LAMA2: variants seen among roughly 807,000 people sequenced by gnomAD.
The protein encoded by LAMA2 is laminin subunit alpha 2.
Under a neutral mutation model 364.8 loss-of-function variants are expected in LAMA2, and 269 were observed. The ratio of observed to expected loss-of-function variants is 0.74; its 90% CI spans 0.67 to 0.82. The LOEUF (loss-of-function observed/expected upper bound fraction) is 0.82. LAMA2 is among the 40% of genes least tolerant of loss of function. The pLI is 0.00. For synonymous variants in LAMA2, 1,379 were observed against 1,370.6 expected (o/e 1.01, Z -0.14); for missense variants, 3,807 against 3,873.2 (o/e 0.98, Z 0.45).
intron 12 of LAMA2, among the ~76,000 whole-genome samples, chr6:129,193,800 A>T (rs2115038562): frequency 6.6e-6 from 1 of 152,324 alleles, no homozygotes; most frequent in South Asian, 2.1e-4. Context: ...GTTTATAGTC[A>T]GTGGTTTTCT....
At chr6:129,466,065 T>C (rs1783525905) in intron 51 of LAMA2, among the ~76,000 whole-genome samples, 1 of 151,956 alleles carries the variant, frequency 6.6e-6, no homozygotes, top group South Asian at 2.1e-4. Flanking sequence ...CAGTGTGACA[T>C]TTCATGAAAA....
intron 47 of LAMA2, among the ~76,000 whole-genome samples, chr6:129,455,994 T>C (rs1782942421): frequency 6.6e-6 from 1 of 152,216 alleles, no homozygotes; most frequent in South Asian, 2.1e-4. Flanking sequence ...TAAATTATTA[T>C]GTAAGCCATA....
rs145465528 is a variant in LAMA2 at position 129,143,976 on chromosome 6, C to T, written c.715C>T (p.Arg239Cys). ...SPELLEFTSA[R>C]YIRLRFQRIR... ...AGAACTGCTAGAATTTACCTCCGCT[C>T]GCTATATTCGCCTGAGATTTCAGAG... Residue 239 changes from arginine to cysteine, a missense_variant, in exon 5 of 65, where the codon CGC becomes TGC. Arg to Cys is a radical substitution (Grantham distance 180). This residue lies in a region of LAMA2 where 394 missense variants were observed against 403.5 expected (regional missense o/e 0.98). Coordinates refer to ENST00000421865, the MANE Select transcript of LAMA2 (RefSeq NM_000426.4). 1.5e-4 allele frequency: 237 copies of T among 1,612,042 alleles called. No individual in the cohort carries two copies. Among genetic ancestry groups the T allele is most frequent in the Non-Finnish European group, 1.8e-4 (218 of 1,178,664 alleles).
In LAMA2 at chr6:128,929,254, G is replaced by T. The variant is rs74423815; in HGVS notation, c.112+45897G>T. The T allele has an allele frequency of 8.1e-5, 116 of 1,425,272 alleles. No homozygotes were observed. In the South Asian group the frequency reaches 1.1e-3, roughly 14 times the overall value. 88.3% of individuals were successfully genotyped at this position (1,425,272 alleles called of 1,614,324 possible). A position where few individuals can be genotyped will look rare whatever the true frequency, so the allele number is the denominator to read the frequency against. ...TCTGATTGATGTACTGTAAGAGACC[G>T]TCAATGGCTAAGTTCCCGTCATTGA... On this transcript the variant is annotated intron_variant, in intron 1 of 64. Coordinates refer to ENST00000421865, the MANE Select transcript of LAMA2 (RefSeq NM_000426.4).
intron 4 of LAMA2, among the ~76,000 whole-genome samples, chr6:129,125,699 G>A (rs1183376526): frequency 6.6e-6 from 1 of 152,168 alleles, no homozygotes; most frequent in Non-Finnish European, 1.5e-5. Flanking sequence ...AGGGCAAGGA[G>A]TCCAGGTCCA....
chr6:129,059,320 G>A (rs1788719998), intron 2 of LAMA2, among the ~76,000 whole-genome samples: 1 of 152,032 alleles, frequency 6.6e-6, no homozygotes, highest in Admixed American at 6.5e-5. Flanking sequence ...TAATAATAAT[G>A]AATGTGTCAG....
intron 12 of LAMA2, among the ~76,000 whole-genome samples, chr6:129,194,197 T>C (rs1465922440): frequency 1.3e-5 from 2 of 151,694 alleles, no homozygotes; most frequent in African/African-American, 4.8e-5. Context: ...AATATAAAAA[T>C]ATACTGTCAA....
At chr6:129,329,462 A>G (rs760356977) in intron 29 of LAMA2, among the ~76,000 whole-genome samples, 1 of 152,106 alleles carries the variant, frequency 6.6e-6, no homozygotes, top group Non-Finnish European at 1.5e-5. Flanking sequence ...CCCGGGTTCA[A>G]GTGATTCTCA....
chr6:129,147,424 T>TA (rs989160175), intron 6 of LAMA2, among the ~76,000 whole-genome samples: 4 of 149,506 alleles, frequency 2.7e-5, no homozygotes, highest in East Asian at 2.0e-4. Flanking sequence ...TGCAAATGAG[T>TA]AAAAAAATGT....
chr6:129,390,855 C>T (rs1779277803), intron 35 of LAMA2, among the ~76,000 whole-genome samples: 1 of 152,096 alleles, frequency 6.6e-6, no homozygotes, highest in African/African-American at 2.4e-5. Flanking sequence ...CCAAGGAGTA[C>T]AGTTTGAAAC....
chr6:129,056,838 C>G (rs1788521223), intron 2 of LAMA2, among the ~76,000 whole-genome samples: 1 of 151,858 alleles, frequency 6.6e-6, no homozygotes, highest in Admixed American at 6.6e-5. Flanking sequence ...TCAAGTGATT[C>G]TCCTGCCTCA....
chr6:129,256,166 G>A (rs763470622), intron 14 of LAMA2, among the ~76,000 whole-genome samples: 1 of 152,112 alleles, frequency 6.6e-6, no homozygotes, highest in South Asian at 2.1e-4. Context: ...GGCAATGCAG[G>A]GTAACAAGGA....
chr6:129,190,448 A>G (rs1781464553), intron 11 of LAMA2, 103 bp downstream of exon 11: 1 of 1,174,790 alleles, frequency 8.5e-7, no homozygotes. Flanking sequence ...GAACTTCTAC[A>G]TAAAGTTACA....
At chr6:129,427,486 T>C (rs1017719601) in intron 40 of LAMA2, among the ~76,000 whole-genome samples, 2 of 152,230 alleles carry the variant, frequency 1.3e-5, no homozygotes, top group African/African-American at 4.8e-5. Flanking sequence ...CTCTGTGGAA[T>C]GCCAGTCACC....
chr6:129,363,891 G>T (rs1202005631), intron 32 of LAMA2, among the ~76,000 whole-genome samples: 1 of 152,234 alleles, frequency 6.6e-6, no homozygotes, highest in African/African-American at 2.4e-5. Context: ...GGACAAGTCT[G>T]TTGAAGTTTG....
intron 15 of LAMA2, among the ~76,000 whole-genome samples, chr6:129,263,715 A>G (rs1032765062): frequency 2.0e-5 from 3 of 151,988 alleles, no homozygotes; most frequent in Non-Finnish European, 4.4e-5. Flanking sequence ...GAGTAGTGTA[A>G]TCTGATTTAC....
At position 128,921,713 on chromosome 6, in the gene LAMA2, T is replaced by A. The variant is rs553632311; in HGVS notation, c.112+38356T>A. Among the ~76,000 whole-genome samples, 23 of 144,926 alleles carry A rather than the reference T, an allele frequency of 1.6e-4. No individual in the cohort carries two copies. In the South Asian group the frequency reaches 4.1e-3, roughly 26 times the overall value. On this transcript the variant is annotated intron_variant, in intron 1 of 64. Transcript: ENST00000421865. ...TGAATGTCTGTTTTTTTTTTTTTTT[T>A]ATTATTATTATACTTTAAGTTTTAG...
intron 3 of LAMA2, among the ~76,000 whole-genome samples, chr6:129,081,328 C>T (rs893042572): frequency 6.6e-6 from 1 of 152,008 alleles, no homozygotes; most frequent in Non-Finnish European, 1.5e-5. Context: ...ACCAACATGG[C>T]ACATGTATAC....
At chr6:129,149,687 C>T (rs1467964208) in intron 7 of LAMA2, among the ~76,000 whole-genome samples, 1 of 152,114 alleles carries the variant, frequency 6.6e-6, no homozygotes, top group African/African-American at 2.4e-5. Context: ...GATATAAAGT[C>T]GGCCTTCCAT....
Sources: gnomAD v4.1 joint callset for allele counts (sites outside exome capture counted in the v4.1 genomes callset) on GRCh38, gnomAD v4.1.1 for gene constraint, gnomAD v4.1.1 regional missense constraint, MANE v1.5 for transcripts, NCBI Gene and HGNC (gene_info 2026-07-23, HGNC 2026-07-21) for gene names.